The following ZBTB20 variants were observed in gnomAD, a reference collection of about 807,000 sequenced individuals.
ZBTB20 encodes zinc finger and BTB domain-containing protein 20.
In ZBTB20, 9 loss-of-function variants were observed where a neutral mutation model predicts 56.9. The ratio of observed to expected loss-of-function variants is 0.16; its 90% confidence interval spans 0.10 to 0.28. The LOEUF is 0.28. Ranked by LOEUF, ZBTB20 falls within the 10% of genes least tolerant of loss-of-function variation. ZBTB20 has a pLI of 1.00. For missense variants in ZBTB20, 655 were observed against 1,003.0 expected (o/e 0.65, Z 4.69); for synonymous variants, 417 against 420.7 (o/e 0.99, Z 0.11).
chr3:114,591,994 AT>A (rs1252611755), intron 6 of ZBTB20, among the ~76,000 whole-genome samples: 1 of 152,138 alleles, frequency 6.6e-6, no homozygotes, highest in Non-Finnish European at 1.5e-5. Flanking sequence ...ATGAAAATTA[AT>A]TTCATTTTGA....
intron 10 of ZBTB20, among the ~76,000 whole-genome samples, chr3:114,368,308 A>G (rs1167149892): frequency 6.6e-6 from 1 of 152,174 alleles, no homozygotes; most frequent in African/African-American, 2.4e-5. Context: ...GTGAGAAAAT[A>G]TTTTCTGAAT....
At chr3:114,466,405 T>C (rs1205232980) in intron 7 of ZBTB20, among the ~76,000 whole-genome samples, 7 of 152,212 alleles carry the variant, frequency 4.6e-5, no homozygotes, top group Admixed American at 4.6e-4. Flanking sequence ...TGATCCTGTC[T>C]TTTTCATGGA....
intron 7 of ZBTB20, among the ~76,000 whole-genome samples, chr3:114,430,069 G>T (rs1360318664): frequency 6.6e-6 from 1 of 152,060 alleles, no homozygotes; most frequent in Admixed American, 6.5e-5. Flanking sequence ...CCTTTGAGAT[G>T]AACAAAAATT....
intron 5 of ZBTB20, among the ~76,000 whole-genome samples, chr3:114,793,610 T>C (rs573884358): frequency 2.6e-5 from 4 of 152,288 alleles, no homozygotes; most frequent in African/African-American, 4.8e-5. Context: ...TCTCTCTTTT[T>C]GGGAAGTCTA....
intron 4 of ZBTB20, among the ~76,000 whole-genome samples, chr3:114,822,595 T>C (rs1304923839): frequency 6.6e-6 from 1 of 151,992 alleles, no homozygotes; most frequent in Non-Finnish European, 1.5e-5. Flanking sequence ...AAACAAACAT[T>C]CTACCTAGGA....
intron 6 of ZBTB20, among the ~76,000 whole-genome samples, chr3:114,630,055 G>A (rs1447232163): frequency 2.6e-5 from 4 of 152,120 alleles, no homozygotes; most frequent in African/African-American, 7.2e-5. Flanking sequence ...TGAGAGGATC[G>A]CTTGATTCCA....
intron 7 of ZBTB20, among the ~76,000 whole-genome samples, chr3:114,407,503 T>C (rs2087452581): frequency 6.6e-6 from 1 of 152,182 alleles, no homozygotes; most frequent in Non-Finnish European, 1.5e-5. Context: ...TCCAGCAATG[T>C]AACTAACATA....
In ZBTB20 at chr3:114,933,614, C is replaced by G. The variant is rs1242513764; in HGVS notation, c.-455-33272G>C. On this transcript the variant is annotated intron_variant, in intron 3 of 11. Coordinates refer to ENST00000675478, the MANE Select transcript of ZBTB20 (RefSeq NM_001348800.3). ...GAGTGGTGGAAGGAAACAGGAAGAG[C>G]GTCAACATAGGTGAAAACCCAGGCC... 7.9e-5 allele frequency among the ~76,000 whole-genome samples: 12 copies of G among 152,234 alleles called. No individual in the cohort carries two copies. In the South Asian group the frequency reaches 2.3e-3, roughly 29 times the overall value.
chr3:115,121,345 T>G (rs2108646648), intron 1 of ZBTB20, among the ~76,000 whole-genome samples: 1 of 152,172 alleles, frequency 6.6e-6, no homozygotes, highest in East Asian at 1.9e-4. Flanking sequence ...GCCTTTCAAA[T>G]TTTACCTATT....
intron 2 of ZBTB20, among the ~76,000 whole-genome samples, chr3:115,001,188 T>G (rs1256628483): frequency 6.6e-6 from 1 of 151,304 alleles, no homozygotes; most frequent in Non-Finnish European, 1.5e-5. Context: ...TATTATACTC[T>G]TCAGTGTTTT....
In ZBTB20 at chr3:114,613,086, T is replaced by C. The variant is rs1382380417; in HGVS notation, c.-295+80442A>G. Among the ~76,000 whole-genome samples the C allele has an allele frequency of 3.3e-5, 5 of 152,302 alleles. No homozygotes were observed. The East Asian group carries it at 9.7e-4, about 29-fold the overall frequency. ...TCTAATTCCAAATGGAAAGAAAGCATTGGCAAAGGCATACAAACATGGTTC... is the reference window on the plus strand; with the variant it reads ...TCTAATTCCAAATGGAAAGAAAGCACTGGCAAAGGCATACAAACATGGTTC... On this transcript the variant is annotated intron_variant, in intron 6 of 11. Transcript: ENST00000675478.
chr3:114,885,317 A>T (rs1378298995), intron 4 of ZBTB20, among the ~76,000 whole-genome samples: 1 of 152,214 alleles, frequency 6.6e-6, no homozygotes, highest in Non-Finnish European at 1.5e-5. Context: ...TGGCTCCTTC[A>T]CGTCATTCAA....
At chr3:114,845,327 T>C (rs2074640800) in intron 4 of ZBTB20, among the ~76,000 whole-genome samples, 1 of 148,340 alleles carries the variant, frequency 6.7e-6, no homozygotes, top group African/African-American at 2.5e-5. Context: ...CAAAGCCATA[T>C]TCAATTTTTT....
intron 4 of ZBTB20, among the ~76,000 whole-genome samples, chr3:114,875,879 C>T (rs1180699130): frequency 1.3e-5 from 2 of 152,148 alleles, no homozygotes; most frequent in African/African-American, 4.8e-5. Flanking sequence ...CATTCTAGGT[C>T]CCTAAATCTC....
intron 6 of ZBTB20, among the ~76,000 whole-genome samples, chr3:114,542,645 T>C (rs1577408724): frequency 6.6e-6 from 1 of 152,304 alleles, no homozygotes; most frequent in South Asian, 2.1e-4. Context: ...TTTGTTTTTT[T>C]CCTTTCAACA....
chr3:114,482,448 A>G (rs1003435676), intron 7 of ZBTB20, among the ~76,000 whole-genome samples: 2 of 152,226 alleles, frequency 1.3e-5, no homozygotes, highest in African/African-American at 2.4e-5. Flanking sequence ...GTTACCTCAT[A>G]GATAAGGAAA....
chr3:114,845,057 T>A (rs990083759), intron 4 of ZBTB20, among the ~76,000 whole-genome samples: 1 of 151,964 alleles, frequency 6.6e-6, no homozygotes, highest in Non-Finnish European at 1.5e-5. Flanking sequence ...AGTGCAGAAT[T>A]TTTTAATTTT....
intron 2 of ZBTB20, among the ~76,000 whole-genome samples, chr3:115,059,900 G>A (rs1399313256): frequency 6.6e-6 from 1 of 152,008 alleles, no homozygotes; most frequent in Non-Finnish European, 1.5e-5. Context: ...CTTTTATATG[G>A]TATCTGGTTA....
In ZBTB20 at chr3:114,379,893, T is replaced by C. The variant is rs760542068; in HGVS notation, c.199+324A>G. ...CACATTTGGTTGTTCAATTTAGTAATTGTGGAAGTGCCATTATCCAGATCA... is the reference window on the plus strand; with the variant it reads ...CACATTTGGTTGTTCAATTTAGTAACTGTGGAAGTGCCATTATCCAGATCA... On this transcript the variant is annotated intron_variant, in intron 10 of 11. Transcript: ENST00000675478. Among the ~76,000 whole-genome samples the C allele has an allele frequency of 2.9e-4, 44 of 152,202 alleles. 1 individual carries two copies. The highest frequency in any genetic ancestry group is 2.6e-4 in the Non-Finnish European group (18 of 68,040).
Sources: gnomAD v4.1 joint callset for allele counts (sites outside exome capture counted in the v4.1 genomes callset) on GRCh38, gnomAD v4.1.1 for gene constraint, MANE v1.5 for transcripts, NCBI Gene and HGNC (gene_info 2026-07-23, HGNC 2026-07-21) for gene names.